ANO2: variants seen among roughly 807,000 people sequenced by gnomAD.
ANO2 encodes anoctamin-2.
A neutral mutation model predicts 124.2 loss-of-function variants in ANO2; 101 were observed. That is an observed-to-expected ratio of 0.81 (90% CI 0.69 to 0.96). The LOEUF is 0.96. ANO2 is among the 40% of genes least tolerant of loss of function. The pLI is 0.00. For missense variants in ANO2, 1,293 were observed against 1,274.5 expected (o/e 1.01, Z -0.22); for synonymous variants, 486 against 482.5 (o/e 1.01, Z -0.09).
chr12:5,738,456 A>C (rs1488034816), intron 13 of ANO2, among the ~76,000 whole-genome samples: 3 of 151,970 alleles, frequency 2.0e-5, no homozygotes, highest in African/African-American at 7.3e-5. Flanking sequence ...GACGGCCCTC[A>C]GCCCCTCACC....
intron 4 of ANO2, among the ~76,000 whole-genome samples, chr12:5,838,163 G>A (rs1163213566): frequency 2.6e-5 from 4 of 152,186 alleles, no homozygotes; most frequent in Non-Finnish European, 4.4e-5. Flanking sequence ...GATCTGCTAG[G>A]GCTCACCTAG....
chr12:5,937,518 C>T (rs767519699), intron 1 of ANO2, among the ~76,000 whole-genome samples: 5 of 152,142 alleles, frequency 3.3e-5, no homozygotes, highest in African/African-American at 4.8e-5. Flanking sequence ...GCTGCCTTTT[C>T]ATTTTGTTTC....
At chr12:5,564,331 T>G (rs1941621377) in intron 24 of ANO2, 1 of 152,432 alleles carries the variant, frequency 6.6e-6, no homozygotes, top group African/African-American at 2.4e-5. Flanking sequence ...GAGCACTTAC[T>G]GTCTCAATGA....
intron 3 of ANO2, among the ~76,000 whole-genome samples, chr12:5,880,701 T>G (rs11615498): frequency 1.3e-5 from 2 of 151,984 alleles, no homozygotes; most frequent in African/African-American, 4.8e-5. Context: ...AATTAAATAA[T>G]AAGGAGCAGA....
intron 1 of ANO2, among the ~76,000 whole-genome samples, chr12:5,923,168 A>ACACG (rs1941862022): frequency 1.6e-5 from 1 of 61,972 alleles, no homozygotes; most frequent in Admixed American, 1.9e-4. Context: ...ACGCATACAC[A>ACACG]CACACGCACA....
intron 7 of ANO2, 149 bp from the exon 8 acceptor site, chr12:5,807,517 C>G (rs1643059221): frequency 1.7e-6 from 1 of 577,108 alleles, no homozygotes; most frequent in Admixed American, 3.7e-5. Flanking sequence ...AACTTTTTGT[C>G]AAGCTCTGGT....
intron 19 of ANO2, among the ~76,000 whole-genome samples, chr12:5,605,423 T>C (rs573052039): frequency 2.3e-3 from 343 of 152,368 alleles, no homozygotes; most frequent in African/African-American, 8.0e-3. Context: ...ACAGCTATTT[T>C]TGGATATGAT....
intron 1 of ANO2, among the ~76,000 whole-genome samples, chr12:5,944,445 T>C (rs1943014014): frequency 6.6e-6 from 1 of 152,234 alleles, no homozygotes; most frequent in South Asian, 2.1e-4. Context: ...CAGCTCATTG[T>C]TCATGCCAAA....
intron 1 of ANO2, among the ~76,000 whole-genome samples, chr12:5,942,394 A>G (rs1942931713): frequency 1.3e-5 from 2 of 152,266 alleles, no homozygotes; most frequent in South Asian, 4.1e-4. Context: ...TAATGAAAAT[A>G]CAGCTCGTTA....
chr12:5,715,754 C>T lies in ANO2; in HGVS notation c.1545+16766G>A, dbSNP rs115906765. Among the ~76,000 whole-genome samples, 337 of 152,314 alleles carry T rather than the reference C, an allele frequency of 2.2e-3. 1 individual carries two copies. Among genetic ancestry groups the T allele is most frequent in the African/African-American group, 7.9e-3 (329 of 41,574 alleles). Reference sequence around the variant, plus strand: ...GTCATATCTGTGTAATTCCTGCAGACAGCACAAAAGCATGGGCAAAGAGGA... The same window carrying T: ...GTCATATCTGTGTAATTCCTGCAGATAGCACAAAAGCATGGGCAAAGAGGA... On this transcript the variant is annotated intron_variant, in intron 14 of 24. Coordinates refer to ENST00000682330, the MANE Select transcript of ANO2 (RefSeq NM_001364791.2).
intron 14 of ANO2, among the ~76,000 whole-genome samples, chr12:5,680,921 A>C (rs150698823): frequency 1.8e-4 from 27 of 152,312 alleles, no homozygotes; most frequent in African/African-American, 6.3e-4. Flanking sequence ...CTTTTATAAG[A>C]ACCAGCCTCT....
At chr12:5,789,285 C>T (rs1026604526) in intron 10 of ANO2, among the ~76,000 whole-genome samples, 1 of 152,200 alleles carries the variant, frequency 6.6e-6, no homozygotes, top group Non-Finnish European at 1.5e-5. Flanking sequence ...GAGGACTGGG[C>T]AGAATGTCAG....
At chr12:5,784,401 A>C (rs1255654423) in intron 10 of ANO2, among the ~76,000 whole-genome samples, 1 of 152,158 alleles carries the variant, frequency 6.6e-6, no homozygotes, top group Non-Finnish European at 1.5e-5. Context: ...TTTTGTTAGC[A>C]CCGTCTGAGC....
intron 19 of ANO2, among the ~76,000 whole-genome samples, chr12:5,607,899 A>G (rs1026481842): frequency 1.3e-5 from 2 of 152,154 alleles, no homozygotes; most frequent in African/African-American, 4.8e-5. Context: ...AAATTATTTC[A>G]TTATATATTG....
At chr12:5,895,793 A>G (rs1255942230) in intron 3 of ANO2, among the ~76,000 whole-genome samples, 2 of 151,848 alleles carry the variant, frequency 1.3e-5, no homozygotes, top group Admixed American at 1.3e-4. Flanking sequence ...TAGCTACCCA[A>G]AGGAAAAAAA....
intron 3 of ANO2, among the ~76,000 whole-genome samples, chr12:5,903,647 ATGTGTG>A (rs143239619): frequency 4.0e-4 from 60 of 148,550 alleles, no homozygotes; most frequent in African/African-American, 9.7e-4. Context: ...ATGTGCAAAG[ATGTGTG>A]TGTGTGTGTG....
At chr12:5,659,677 G>A (rs1412672417) in intron 14 of ANO2, among the ~76,000 whole-genome samples, 2 of 152,206 alleles carry the variant, frequency 1.3e-5, no homozygotes, top group African/African-American at 4.8e-5. Context: ...AAAACACTCT[G>A]GCTCCCCTTC....
At chr12:5,589,270 T>C (rs183730486) in intron 20 of ANO2, among the ~76,000 whole-genome samples, 55 of 152,070 alleles carry the variant, frequency 3.6e-4, no homozygotes, top group Non-Finnish European at 6.2e-4. Flanking sequence ...CCTGGCTTAC[T>C]CGCTAGAAAG....
chr12:5,775,946 T>TGTCAATACCAACACCAGCTAAAACCC (rs1451122265), intron 10 of ANO2, among the ~76,000 whole-genome samples: 1 of 152,212 alleles, frequency 6.6e-6, no homozygotes, highest in African/African-American at 2.4e-5. Context: ...CTCTAAAAGC[T>TGTCAATACCAACACCAGCTAAAACCC]GTCAATACCA....
Sources: gnomAD v4.1 joint callset for allele counts (sites outside exome capture counted in the v4.1 genomes callset) on GRCh38, gnomAD v4.1.1 for gene constraint, MANE v1.5 for transcripts, NCBI Gene and HGNC (gene_info 2026-07-23, HGNC 2026-07-21) for gene names.